The following DNTT variants were observed in gnomAD, a reference collection of about 807,000 sequenced individuals.
DNTT encodes the protein DNA nucleotidylexotransferase.
DNTT carries 47 observed loss-of-function variants against 60.9 expected under a neutral mutation model. That is an observed-to-expected ratio of 0.77 (90% CI 0.61 to 0.98). The LOEUF (loss-of-function observed/expected upper bound fraction) is 0.98. Among genes scored for constraint, DNTT ranks in the 50% least tolerant of loss-of-function variants. The pLI is 0.00. For synonymous variants in DNTT, 224 were observed against 221.2 expected (o/e 1.01, Z -0.11); for missense variants, 665 against 627.5 (o/e 1.06, Z -0.64).
In DNTT at chr10:96,328,737, G is replaced by A. The variant is rs1479152051; in HGVS notation, c.1020G>A (p.Met340Ile). ...MTGGFRRGKK[M>I]GHDVDFLITS... The stretch of plus-strand genomic sequence containing the variant: ...TTTTGAAAATTAGGGGTAAGAAGAT[G>A]GGGCATGATGTAGATTTTTTAATTA... The change falls in exon 8 of 11, where the codon ATG becomes ATA. Residue 340 changes from methionine (M) to isoleucine (I), a missense_variant. By Grantham distance (10) the Met-to-Ile change is conservative (BLOSUM62 1). Transcript: ENST00000371174. 2.4e-5 allele frequency: 38 copies of A among 1,612,698 alleles called. No homozygotes were observed. Among genetic ancestry groups the A allele is most frequent in the Non-Finnish European group, 3.0e-5 (35 of 1,179,642 alleles).
chr10:96,310,019 G>C (rs1234181081), intron 1 of DNTT, among the ~76,000 whole-genome samples: 1 of 152,286 alleles, frequency 6.6e-6, no homozygotes, highest in Non-Finnish European at 1.5e-5. Flanking sequence ...GTGGGAGGGA[G>C]GGCCTAACTT....
At chr10:96,305,819 CA>C (rs1376059059) in intron 1 of DNTT, among the ~76,000 whole-genome samples, 3 of 152,168 alleles carry the variant, frequency 2.0e-5, no homozygotes, top group Non-Finnish European at 4.4e-5. Flanking sequence ...ATTGACTTTT[CA>C]TTCATTTTTT....
chr10:96,327,681 C>T, intron 7 of DNTT, 81 bp downstream of exon 7: 1 of 1,535,602 alleles, frequency 6.5e-7, no homozygotes, highest in Non-Finnish European at 8.7e-7. Flanking sequence ...TGAAACGGCA[C>T]AAAAGGCTGT....
chr10:96,323,528 A>G (rs542649420), intron 5 of DNTT, among the ~76,000 whole-genome samples: 26 of 152,270 alleles, frequency 1.7e-4, no homozygotes, highest in African/African-American at 6.0e-4. Flanking sequence ...TTACCCTCCA[A>G]GAGTCTGTCA....
At chr10:96,305,964 A>G (rs1181501380) in intron 1 of DNTT, among the ~76,000 whole-genome samples, 1 of 152,158 alleles carries the variant, frequency 6.6e-6, no homozygotes, top group African/African-American at 2.4e-5. Flanking sequence ...CTCATTTTCT[A>G]ACATCCTTTC....
At chr10:96,333,870 G>T (rs1453591192) in intron 9 of DNTT, among the ~76,000 whole-genome samples, 1 of 152,210 alleles carries the variant, frequency 6.6e-6, no homozygotes, top group African/African-American at 2.4e-5. Context: ...CAAGTACAAA[G>T]TTCCAGTCAG....
At chr10:96,322,876 T>G in intron 5 of DNTT, 148 bp downstream of exon 5, 1 of 613,872 alleles carries the variant, frequency 1.6e-6, no homozygotes, top group East Asian at 3.0e-5. Context: ...TTCTCACCAT[T>G]CTGGATCAAG....
chr10:96,338,091 G>T, intron 10 of DNTT, 47 bp from the exon 11 acceptor site: 1 of 1,548,462 alleles, frequency 6.5e-7, no homozygotes, highest in Non-Finnish European at 8.9e-7. Flanking sequence ...ACACCATGGT[G>T]CTTATGAAAA....
At chr10:96,307,268 A>G (rs1310832098) in intron 1 of DNTT, among the ~76,000 whole-genome samples, 1 of 151,568 alleles carries the variant, frequency 6.6e-6, no homozygotes. Context: ...ACCCGTCAAC[A>G]TGTTATAACT....
At chr10:96,331,280 A>G (rs1305277850) in intron 8 of DNTT, among the ~76,000 whole-genome samples, 4 of 152,214 alleles carry the variant, frequency 2.6e-5, no homozygotes, top group Non-Finnish European at 5.9e-5. Context: ...CCTGGTCATC[A>G]GTATAATATG....
At chr10:96,324,584 A>C (rs990155902) in intron 6 of DNTT, among the ~76,000 whole-genome samples, 195 bp downstream of exon 6, 1 of 152,132 alleles carries the variant, frequency 6.6e-6, no homozygotes, top group Non-Finnish European at 1.5e-5. Context: ...AAACCTTTGA[A>C]CCTTAGTTAC....
chr10:96,315,644 G>A (rs1010844596), intron 1 of DNTT, among the ~76,000 whole-genome samples: 2 of 152,018 alleles, frequency 1.3e-5, no homozygotes, highest in Non-Finnish European at 2.9e-5. Flanking sequence ...TGGTAAGAGT[G>A]TAGGTGGTTA....
rs1273470028 is a variant in DNTT at position 96,320,284 on chromosome 10, G to A, written c.508-334G>A. On this transcript the variant is annotated intron_variant, in intron 3 of 10. Transcript: ENST00000371174. ...AAGGCAGAATTCTAGCCACAGGCTA[G>A]TGGGAAGATAGTACAGAAGGAGGGA... Among the ~76,000 whole-genome samples, 4 of 152,246 alleles carry A rather than the reference G, an allele frequency of 2.6e-5. No homozygotes were observed. In the East Asian group the frequency reaches 5.8e-4, roughly 22 times the overall value.
chr10:96,336,040 T>C (rs1018408098), intron 10 of DNTT, 66 bp downstream of exon 10: 10 of 1,480,890 alleles, frequency 6.8e-6, no homozygotes, highest in Non-Finnish European at 9.4e-6. Context: ...CCGAGCTTTT[T>C]TCATGGACTG....
intron 9 of DNTT, among the ~76,000 whole-genome samples, chr10:96,335,199 C>T (rs997300302): frequency 3.3e-5 from 5 of 152,204 alleles, no homozygotes; most frequent in Admixed American, 1.3e-4. Context: ...ATTCGTTGCC[C>T]TCCTTTCCCA....
At position 96,327,451 on chromosome 10, in the gene DNTT, G is replaced by A. The variant is rs770908869; in HGVS notation, c.875-17G>A. On this transcript the variant is annotated splice_polypyrimidine_tract_variant and intron_variant, in intron 6 of 10. Coordinates refer to ENST00000371174, the MANE Select transcript of DNTT (RefSeq NM_004088.4). ...CACGTGTCACTCTCTCCATTGACCTGTCAAATGGCCTCTCAGGATTTCTGT... is the reference window on the plus strand; with the variant it reads ...CACGTGTCACTCTCTCCATTGACCTATCAAATGGCCTCTCAGGATTTCTGT... 1 of 1,614,036 alleles carries A rather than the reference G, an allele frequency of 6.2e-7. No homozygotes were observed.
chr10:96,317,156 A>G (rs1844796113), intron 1 of DNTT, among the ~76,000 whole-genome samples: 1 of 152,244 alleles, frequency 6.6e-6, no homozygotes, highest in African/African-American at 2.4e-5. Flanking sequence ...ATAATGCTGA[A>G]TGTGAAGACT....
rs945715229 is a variant in DNTT, at chr10:96,304,821, C to T, written c.203+121C>T. 4.0e-5 allele frequency: 45 copies of T among 1,117,622 alleles called. 1 individual carries two copies. Among genetic ancestry groups the T allele is most frequent in the Non-Finnish European group, 5.3e-5 (43 of 807,440 alleles). The allele number at this position is 1,117,622 out of a possible 1,614,324, so 69.2% of individuals were successfully genotyped here. On this transcript the variant is annotated intron_variant, in intron 1 of 10. Transcript: ENST00000371174. Reference sequence around the variant, plus strand: ...AGAGGTGATCTTCCCACTGGGAGAACAGCAGATTTGAAATCAAAGAACAAC... The same window carrying T: ...AGAGGTGATCTTCCCACTGGGAGAATAGCAGATTTGAAATCAAAGAACAAC...
At chr10:96,314,410 T>TTTTTTTTTG (rs1844759608) in intron 1 of DNTT, among the ~76,000 whole-genome samples, 1 of 82,412 alleles carries the variant, frequency 1.2e-5, no homozygotes, top group Non-Finnish European at 2.1e-5. Flanking sequence ...CCCTTTTTTT[T>TTTTTTTTTG]TTTTTTTTTT....
Sources: allele counts gnomAD v4.1 joint callset (sites outside exome capture counted in the v4.1 genomes callset), GRCh38; gene constraint gnomAD v4.1.1; transcripts MANE v1.5; gene names NCBI Gene and HGNC (gene_info 2026-07-23, HGNC 2026-07-21).